The following TP63 variants were observed in gnomAD, a reference collection of about 807,000 sequenced individuals.
TP63 encodes tumor protein p63.
TP63 carries 17 observed loss-of-function variants against 82.8 expected under a neutral mutation model. The ratio of observed to expected loss-of-function variants is 0.21; its 90% CI spans 0.14 to 0.31. TP63 has a LOEUF of 0.31. Ranked by LOEUF, TP63 falls within the 10% of genes least tolerant of loss-of-function variation. The pLI, the probability that TP63 is intolerant of heterozygous loss-of-function variation, is 1.00. For synonymous variants in TP63, 330 were observed against 321.7 expected, an observed-to-expected ratio of 1.03 and a Z score of -0.28; for missense variants, 648 against 895.3, an observed-to-expected ratio of 0.72 and a Z score of 3.52.
At chr3:189,706,750 G>A (rs1718231415) in intron 1 of TP63, among the ~76,000 whole-genome samples, 1 of 152,088 alleles carries the variant, frequency 6.6e-6, no homozygotes, top group Non-Finnish European at 1.5e-5. Flanking sequence ...TAAGACCAAG[G>A]GACACAGGTT....
chr3:189,851,498 C>T (rs1715625073), intron 4 of TP63, among the ~76,000 whole-genome samples: 1 of 152,164 alleles, frequency 6.6e-6, no homozygotes, highest in African/African-American at 2.4e-5. Context: ...TCACTTGAAC[C>T]TGGGAGGCAG....
chr3:189,612,556 A>G, the TP63 span, among the ~76,000 whole-genome samples: 7 of 152,138 alleles, frequency 4.6e-5, no homozygotes, highest in African/African-American at 1.7e-4. Context: ...AACTAATACA[A>G]TAAATTGGTA....
intron 1 of TP63, among the ~76,000 whole-genome samples, chr3:189,671,894 G>A (rs1377071079): frequency 2.0e-5 from 3 of 152,046 alleles, no homozygotes; most frequent in Non-Finnish European, 4.4e-5. Flanking sequence ...GGGAAGGGTA[G>A]CAAGGAGGGA....
chr3:189,809,699 A>G (rs1477220950), intron 4 of TP63, among the ~76,000 whole-genome samples: 2 of 152,222 alleles, frequency 1.3e-5, no homozygotes, highest in African/African-American at 4.8e-5. Flanking sequence ...TATAGTATCT[A>G]GTTCATTCCA....
At chr3:189,825,130 G>T (rs1729203995) in intron 4 of TP63, among the ~76,000 whole-genome samples, 1 of 152,172 alleles carries the variant, frequency 6.6e-6, no homozygotes, top group African/African-American at 2.4e-5. Context: ...GAGAACATCT[G>T]CAACAAACCC....
chr3:189,676,645 T>C (rs1459162750), intron 1 of TP63, among the ~76,000 whole-genome samples: 1 of 151,938 alleles, frequency 6.6e-6, no homozygotes, highest in East Asian at 1.9e-4. Flanking sequence ...GTTACATGGA[T>C]ACATTGGATA....
chr3:189,632,493 C>G (rs781369317), intron 1 of TP63, among the ~76,000 whole-genome samples: 1 of 152,090 alleles, frequency 6.6e-6, no homozygotes, highest in East Asian at 1.9e-4. Context: ...CTTCCTTTAA[C>G]GTGATTTGCT....
At chr3:189,703,163 G>A (rs989227120) in intron 1 of TP63, among the ~76,000 whole-genome samples, 1 of 152,198 alleles carries the variant, frequency 6.6e-6, no homozygotes, top group African/African-American at 2.4e-5. Context: ...GCCGGGCACG[G>A]TGTCTCACGC....
the TP63 span, among the ~76,000 whole-genome samples, chr3:189,606,044 C>G: frequency 6.6e-6 from 1 of 152,194 alleles, no homozygotes; most frequent in East Asian, 1.9e-4. Context: ...AACTTCTTCC[C>G]TGTCATCCAA....
intron 3 of TP63, among the ~76,000 whole-genome samples, chr3:189,802,352 G>A (rs1273826469): frequency 6.6e-6 from 1 of 152,196 alleles, no homozygotes; most frequent in African/African-American, 2.4e-5. Flanking sequence ...AACTGTATGT[G>A]CTGCCTAAAA....
At chr3:189,893,295 G>A (rs936020431) in intron 13 of TP63, among the ~76,000 whole-genome samples, 2 of 152,158 alleles carry the variant, frequency 1.3e-5, no homozygotes, top group African/African-American at 4.8e-5. Flanking sequence ...AGAAACTGAG[G>A]CTGGTAGAGA....
chr3:189,804,548 T>A lies in TP63; in HGVS notation c.325-3724T>A, dbSNP rs950358833. 1.4e-4 allele frequency among the ~76,000 whole-genome samples: 22 copies of A among 152,344 alleles called. 1 individual carries two copies. The highest frequency in any genetic ancestry group is 4.8e-4 in the African/African-American group (20 of 41,582). On this transcript the variant is annotated intron_variant, in intron 3 of 13. Transcript: ENST00000264731. The stretch of plus-strand genomic sequence containing the variant: ...TGACACTTGTTCTTCTTGACTATAA[T>A]GGCCAGCCCTTGGCTTCCAATTGTA...
Position 189,738,733 on chromosome 3 carries a change from T to G in TP63, c.283T>G (p.Cys95Gly). The G allele has an allele frequency of 6.2e-7, 1 of 1,614,170 alleles. No homozygotes were observed. The highest frequency in any genetic ancestry group is 1.1e-5 in the South Asian group (1 of 91,086). ...AAACAAGATTGAGATTAGCATGGACTGTATCCGCATGCAGGACTCGGACCT... is the reference window on the plus strand; with the variant it reads ...AAACAAGATTGAGATTAGCATGGACGGTATCCGCATGCAGGACTCGGACCT... ...ATNKIEISMD[C>G]IRMQDSDLSD... is the part of the protein sequence containing the mutation. Residue 95 changes from cysteine (C) to glycine (G), a missense_variant, in exon 3 of 14, where the codon TGT becomes GGT. Cys to Gly is a radical substitution (Grantham distance 159). Transcript: ENST00000264731.
intron 3 of TP63, among the ~76,000 whole-genome samples, chr3:189,780,205 GGAA>G (rs1415284646): frequency 6.6e-6 from 1 of 152,180 alleles, no homozygotes; most frequent in Non-Finnish European, 1.5e-5. Flanking sequence ...AGATAACAGA[GGAA>G]CTAGGGTCTA....
intron 3 of TP63, among the ~76,000 whole-genome samples, chr3:189,754,737 A>G (rs940726430): frequency 2.6e-5 from 4 of 152,142 alleles, no homozygotes; most frequent in African/African-American, 9.7e-5. Context: ...GCTCACTACA[A>G]AGAAAGCATC....
At chr3:189,679,499 G>A (rs1019808012) in intron 1 of TP63, among the ~76,000 whole-genome samples, 11 of 151,968 alleles carry the variant, frequency 7.2e-5, no homozygotes, top group Non-Finnish European at 1.0e-4. Flanking sequence ...TTGCAATTGA[G>A]TTGTTTAAAC....
chr3:189,833,077 C>A (rs1290096898), intron 4 of TP63, among the ~76,000 whole-genome samples: 2 of 152,190 alleles, frequency 1.3e-5, no homozygotes, highest in African/African-American at 4.8e-5. Flanking sequence ...TTTGCTAAGG[C>A]CTTCTCTCTC....
In TP63 at chr3:189,881,735, T is replaced by A. The variant is rs1197681934; in HGVS notation, c.1350-4659T>A. Among the ~76,000 whole-genome samples, 4 of 152,204 alleles carry A rather than the reference T, an allele frequency of 2.6e-5. 1 individual carries two copies. The highest frequency in any genetic ancestry group is 2.6e-4 in the Admixed American group (4 of 15,266). ...AAATGCCTAAACTAACTTAAAAAAA[T>A]ACTTTAGCTCTATGAGTTTTAAAGT... On this transcript the variant is annotated intron_variant, in intron 10 of 13. Transcript: ENST00000264731.
intron 10 of TP63, among the ~76,000 whole-genome samples, chr3:189,877,550 T>C (rs1266849597): frequency 2.6e-5 from 4 of 152,224 alleles, no homozygotes; most frequent in African/African-American, 9.6e-5. Flanking sequence ...CAGGATGAAT[T>C]TTATTTAAAT....
Sources: gnomAD v4.1 joint callset for allele counts (sites outside exome capture counted in the v4.1 genomes callset) on GRCh38, gnomAD v4.1.1 for gene constraint, MANE v1.5 for transcripts, NCBI Gene and HGNC (gene_info 2026-07-23, HGNC 2026-07-21) for gene names.